The following DST variants were observed in gnomAD, a reference collection of about 807,000 sequenced individuals.
DST encodes bullous pemphigoid antigen.
In DST, 253 loss-of-function variants were observed where a neutral mutation model predicts 875.2. The observed-to-expected ratio is 0.29, with a 90% CI of 0.26 to 0.32. The LOEUF (loss-of-function observed/expected upper bound fraction) is 0.32. Among genes scored for constraint, DST ranks in the 10% least tolerant of loss-of-function variants. The probability of loss-of-function intolerance (pLI) is 1.00; values close to 1 mark genes in which losing one functional copy is unlikely to be tolerated. For missense variants in DST, 8,287 were observed against 9,111.6 expected (o/e 0.91, Z 3.68); for synonymous variants, 3,124 against 3,197.1 (o/e 0.98, Z 0.77).
chr6:56,580,753 G>C (rs1425967987), intron 49 of DST, among the ~76,000 whole-genome samples: 1 of 146,110 alleles, frequency 6.8e-6, no homozygotes, highest in African/African-American at 2.5e-5. Flanking sequence ...TGGTTGGGGG[G>C]GCAGCGTCTC....
intron 36 of DST, chr6:56,620,221 AT>A: frequency 6.2e-7 from 1 of 1,613,486 alleles, no homozygotes. Flanking sequence ...CCATTAATTT[AT>A]TTTTTTGTTG....
chr6:56,866,933 T>TTTTCTTATTTATCTTTA (rs1774425011), intron 3 of DST, among the ~76,000 whole-genome samples: 1 of 152,158 alleles, frequency 6.6e-6, no homozygotes, highest in African/African-American at 2.4e-5. Flanking sequence ...AATATTAGTT[T>TTTTCTTATTTATCTTTA]TTTCTTATTT....
At chr6:56,535,008 A>T (rs2096968122) in intron 63 of DST, 114 bp downstream of exon 63, 1 of 1,207,210 alleles carries the variant, frequency 8.3e-7, no homozygotes, top group African/African-American at 1.5e-5. Context: ...TGTCTACAGC[A>T]GCAACAACCG....
chr6:56,493,374 A>G (rs2095811570), intron 83 of DST, among the ~76,000 whole-genome samples: 1 of 152,182 alleles, frequency 6.6e-6, no homozygotes, highest in Non-Finnish European at 1.5e-5. Context: ...ATTACTAAAT[A>G]TAATCTGTAA....
chr6:56,534,771 G>A (rs1193735755), intron 63 of DST, among the ~76,000 whole-genome samples: 1 of 151,886 alleles, frequency 6.6e-6, no homozygotes, highest in Non-Finnish European at 1.5e-5. Flanking sequence ...ATTGCTTCCT[G>A]ATGCCTCTCC....
intron 90 of DST, among the ~76,000 whole-genome samples, 153 bp downstream of exon 90, chr6:56,481,897 A>C (rs1229965513): frequency 6.6e-6 from 1 of 152,124 alleles, no homozygotes; most frequent in African/African-American, 2.4e-5. Context: ...ATATGTAAGC[A>C]ATGTGGACAG....
intron 4 of DST, among the ~76,000 whole-genome samples, chr6:56,778,436 GGTTA>G (rs921999897): frequency 6.7e-6 from 1 of 149,746 alleles, no homozygotes; most frequent in African/African-American, 2.5e-5. Context: ...ACAACGTGCA[GGTTA>G]GTTACATATG....
chr6:56,642,300 A>G (rs1052032314), intron 16 of DST, 110 bp downstream of exon 16: 12 of 915,232 alleles, frequency 1.3e-5, no homozygotes, highest in African/African-American at 3.3e-5. Context: ...TTTAAGTTTC[A>G]GTGGAGAGTA....
In DST at chr6:56,593,995, G is replaced by T. The variant is rs1205031024; in HGVS notation, c.12394C>A (p.Leu4132Met). The T allele has an allele frequency of 5.6e-6, 9 of 1,613,888 alleles. No individual in the cohort carries two copies. Among genetic ancestry groups the T allele is most frequent in the Non-Finnish European group, 7.6e-6 (9 of 1,179,866 alleles). The change falls in exon 48 of 104, where the codon CTG (leucine) becomes ATG (methionine). Residue 4132 changes from leucine (L) to methionine (M), a missense_variant. By Grantham distance (15) the Leu-to-Met change is conservative (BLOSUM62 2). Around this residue, in one of 10 missense-constraint regions of DST, gnomAD observed 1,513 missense variants for 1,677.8 expected, o/e 0.90. Transcript: ENST00000680361. Reference protein sequence around the residue: ...SEKKMKLTHSLQEELEKFDAD... With the variant: ...SEKKMKLTHSMQEELEKFDAD... ...TCAAACTTTTCTAATTCTTCCTGCAGAGAGTGAGTTAACTTCATTTTCTTC... is the reference window on the plus strand; with the variant it reads ...TCAAACTTTTCTAATTCTTCCTGCATAGAGTGAGTTAACTTCATTTTCTTC...
intron 5 of DST, among the ~76,000 whole-genome samples, chr6:56,706,605 G>A (rs186991628): frequency 6.6e-4 from 101 of 152,276 alleles, no homozygotes; most frequent in Non-Finnish European, 1.2e-3. Flanking sequence ...TTCCACAGAT[G>A]CAGGGGAGGG....
rs780283673 is a variant in DST, at chr6:56,851,470, A to C, written c.552T>G (p.His184Gln). 11 of 1,613,866 alleles carry C rather than the reference A, an allele frequency of 6.8e-6. No individual in the cohort carries two copies. The highest frequency in any genetic ancestry group is 2.2e-5 in the East Asian group (1 of 44,894). ...GDTLPWNLPK[H>Q]ERSKRKIQGG... is the part of the protein sequence containing the mutation. ...CTTGAATCTTTCTTTTCGATCTCTC[A>C]TGTTTAGGCAAATTCCAGGGTAAGG... Residue 184 changes from histidine (H) to glutamine (Q), a missense_variant, in exon 4 of 104, where the codon CAT becomes CAG. This residue lies in a region of DST where 1,160 missense variants were observed against 1,424.3 expected (regional missense o/e 0.81). Transcript: ENST00000680361.
At chr6:56,670,556 T>C in intron 10 of DST, 85 bp downstream of exon 10, 2 of 1,045,274 alleles carry the variant, frequency 1.9e-6, no homozygotes, top group Non-Finnish European at 2.6e-6. Flanking sequence ...TTTGCTTCTA[T>C]AATAATAAAA....
intron 3 of DST, chr6:56,871,080 T>G (rs1190220523): frequency 2.0e-6 from 1 of 507,842 alleles, no homozygotes; most frequent in Non-Finnish European, 3.5e-6. Context: ...ACAGACATTT[T>G]GCAGAAGAGA....
In DST at chr6:56,593,648, TC is replaced by T; in HGVS notation, c.12726+14del. Reference sequence around the variant, plus strand: ...GCAGATTGACTTTTCCCTTAAAAAATCAAAATAACATTACCTTAGAGTAGAG... The same window carrying T: ...GCAGATTGACTTTTCCCTTAAAAAATAAAATAACATTACCTTAGAGTAGAG... On this transcript the variant is annotated intron_variant, in intron 48 of 103. Transcript: ENST00000680361. The T allele has an allele frequency of 6.8e-7, 1 of 1,463,932 alleles. No homozygotes were observed. Among genetic ancestry groups the T allele is most frequent in the East Asian group, 2.4e-5 (1 of 42,546 alleles). 90.7% of individuals were successfully genotyped at this position (1,463,932 alleles called of 1,614,324 possible). A position where few individuals can be genotyped will look rare whatever the true frequency, so the allele number is the denominator to read the frequency against.
chr6:56,920,853 G>A (rs1353247786), intron 2 of DST, among the ~76,000 whole-genome samples: 3 of 145,566 alleles, frequency 2.1e-5, no homozygotes, highest in East Asian at 3.9e-4. Flanking sequence ...CTCAGCCTCC[G>A]GAGTAGCTGT....
chr6:56,735,123 A>C (rs2099518160), intron 5 of DST, 105 bp downstream of exon 5: 1 of 793,632 alleles, frequency 1.3e-6, no homozygotes, highest in Non-Finnish European at 2.1e-6. Flanking sequence ...TTAAACTTTC[A>C]AGATGATTTT....
chr6:56,610,459 G>T lies in DST; in HGVS notation c.5251C>A (p.Gln1751Lys). Residue 1751 changes from glutamine (Q) to lysine (K), a missense_variant, in exon 39 of 104, where the codon CAA becomes AAA. This residue lies in a region of DST where 3,138 missense variants were observed against 3,116.6 expected (regional missense o/e 1.01). Transcript: ENST00000680361. ...SESLKQLQES[Q>K]TSGDVKVEEK... Reference sequence around the variant, plus strand: ...TCTACCTTTACATCTCCTGAGGTTTGTGATTCTTGTAGCTGTTTCAGAGAT... The same window carrying T: ...TCTACCTTTACATCTCCTGAGGTTTTTGATTCTTGTAGCTGTTTCAGAGAT... 6.4e-7 allele frequency: 1 copy of T among 1,565,696 alleles called. No homozygotes were observed. The highest frequency in any genetic ancestry group is 8.7e-7 in the Non-Finnish European group (1 of 1,153,604).
chr6:56,495,254 CA>C (rs2095866513), intron 82 of DST, among the ~76,000 whole-genome samples: 1 of 151,842 alleles, frequency 6.6e-6, no homozygotes, highest in African/African-American at 2.4e-5. Flanking sequence ...ACAACAAAAT[CA>C]AAAGAACTTT....
chr6:56,568,381 T>C (rs2097719040), intron 55 of DST, 88 bp downstream of exon 55: 4 of 1,377,190 alleles, frequency 2.9e-6, no homozygotes, highest in South Asian at 2.7e-5. Context: ...GGTTATTTTA[T>C]GCATTAATTT....
Sources: allele counts gnomAD v4.1 joint callset (sites outside exome capture counted in the v4.1 genomes callset), GRCh38; gene constraint gnomAD v4.1.1; regional missense constraint gnomAD v4.1.1; transcripts MANE v1.5; gene names NCBI Gene and HGNC (gene_info 2026-07-23, HGNC 2026-07-21).